ABCA13: variants seen among roughly 807,000 people sequenced by gnomAD.
The protein encoded by ABCA13 is ATP binding cassette subfamily A member 13.
ABCA13 carries 476 observed loss-of-function variants against 478.7 expected under a neutral mutation model. That is an observed-to-expected ratio of 0.99 (90% confidence interval 0.92 to 1.07). ABCA13 has a LOEUF of 1.07. ABCA13 is among the 50% of genes least tolerant of loss of function. ABCA13 has a pLI of 0.00. For synonymous variants in ABCA13, 2,252 were observed against 2,158.9 expected (o/e 1.04, Z -1.20); for missense variants, 6,060 against 5,910.6 (o/e 1.03, Z -0.83).
intron 9 of ABCA13, 107 bp from the exon 10 acceptor site, chr7:48,240,760 G>T: frequency 1.2e-6 from 1 of 868,698 alleles, no homozygotes. Flanking sequence ...AAAAAATAAA[G>T]ATTGGCTGTC....
intron 7 of ABCA13, among the ~76,000 whole-genome samples, chr7:48,230,261 C>T (rs1788851453): frequency 6.6e-6 from 1 of 152,150 alleles, no homozygotes; most frequent in Non-Finnish European, 1.5e-5. Context: ...AGACCTATCA[C>T]TAGCTCTGTG....
At chr7:48,527,446 A>G (rs1832958435) in intron 54 of ABCA13, among the ~76,000 whole-genome samples, 1 of 152,172 alleles carries the variant, frequency 6.6e-6, no homozygotes, top group Non-Finnish European at 1.5e-5. Context: ...TAGCCATCAG[A>G]AAACAGCTGT....
intron 59 of ABCA13, chr7:48,626,516 A>AG: frequency 4.2e-6 from 3 of 718,720 alleles, no homozygotes; most frequent in Non-Finnish European, 5.1e-6. Flanking sequence ...GGTAAAAAAA[A>AG]GGCAAAATAA....
chr7:48,290,962 A>G (rs1798444056), intron 20 of ABCA13, among the ~76,000 whole-genome samples: 2 of 151,592 alleles, frequency 1.3e-5, no homozygotes, highest in African/African-American at 4.8e-5. Context: ...AAAAAAAAAA[A>G]AAAAAAGAGA....
chr7:48,374,654 C>T (rs1813176903), intron 34 of ABCA13, among the ~76,000 whole-genome samples: 1 of 152,132 alleles, frequency 6.6e-6, no homozygotes, highest in African/African-American at 2.4e-5. Context: ...GGTCAACCAC[C>T]CAGCCAATGC....
intron 1 of ABCA13, among the ~76,000 whole-genome samples, chr7:48,172,954 T>C (rs1196868051): frequency 6.6e-6 from 1 of 152,204 alleles, no homozygotes; most frequent in Non-Finnish European, 1.5e-5. Flanking sequence ...AAGTTTGTTT[T>C]AGGGAATTAG....
At chr7:48,408,889 A>G (rs140013341) in intron 39 of ABCA13, among the ~76,000 whole-genome samples, 2 of 151,900 alleles carry the variant, frequency 1.3e-5, no homozygotes, top group African/African-American at 2.4e-5. Flanking sequence ...TGTTCCCTCT[A>G]TGTCTCCATG....
chr7:48,623,534 T>A (rs1178036934), intron 59 of ABCA13, among the ~76,000 whole-genome samples: 1 of 152,194 alleles, frequency 6.6e-6, no homozygotes, highest in Non-Finnish European at 1.5e-5. Context: ...TCATCGTTAT[T>A]TGTAGTAAGA....
chr7:48,196,204 G>C (rs1797909735), intron 2 of ABCA13, among the ~76,000 whole-genome samples: 1 of 152,164 alleles, frequency 6.6e-6, no homozygotes, highest in African/African-American at 2.4e-5. Flanking sequence ...GGTAGCTTAT[G>C]ATGTTCCTTA....
chr7:48,402,575 C>T (rs1817752559), intron 38 of ABCA13, among the ~76,000 whole-genome samples: 1 of 152,212 alleles, frequency 6.6e-6, no homozygotes, highest in African/African-American at 2.4e-5. Flanking sequence ...ATTAAGTGCA[C>T]AGAGTGAACA....
At chr7:48,535,793 G>A (rs1833528480) in intron 55 of ABCA13, among the ~76,000 whole-genome samples, 1 of 152,122 alleles carries the variant, frequency 6.6e-6, no homozygotes, top group Non-Finnish European at 1.5e-5. Context: ...AGTGGGGTAA[G>A]TCGGCAGTCA....
intron 60 of ABCA13, among the ~76,000 whole-genome samples, chr7:48,643,832 G>A (rs1486001108): frequency 1.3e-5 from 2 of 152,152 alleles, no homozygotes; most frequent in Non-Finnish European, 2.9e-5. Flanking sequence ...ATCAAGTATG[G>A]TCACTGAACC....
intron 15 of ABCA13, among the ~76,000 whole-genome samples, chr7:48,268,755 C>T (rs1324532770): frequency 6.6e-6 from 1 of 151,916 alleles, no homozygotes; most frequent in Non-Finnish European, 1.5e-5. Flanking sequence ...TGTTTACTGC[C>T]TTTCATGGAT....
At chr7:48,472,785 A>C (rs1038618918) in intron 45 of ABCA13, among the ~76,000 whole-genome samples, 4 of 152,060 alleles carry the variant, frequency 2.6e-5, no homozygotes, top group African/African-American at 9.7e-5. Context: ...GGCAGTCCCC[A>C]CCCCATCTGT....
chr7:48,281,200 T>A, intron 18 of ABCA13, 143 bp from the exon 19 acceptor site: 1 of 678,814 alleles, frequency 1.5e-6, no homozygotes, highest in Non-Finnish European at 2.5e-6. Context: ...TGTGTTTTCT[T>A]ATGTTCCTAT....
intron 3 of ABCA13, among the ~76,000 whole-genome samples, chr7:48,208,541 C>A (rs752073937): frequency 6.6e-6 from 1 of 151,798 alleles, no homozygotes; most frequent in Non-Finnish European, 1.5e-5. Context: ...TAGGTTTATT[C>A]CTAGGTATGT....
At chr7:48,580,164 A>T in intron 55 of ABCA13, 60 bp from the exon 56 acceptor site, 1 of 1,489,808 alleles carries the variant, frequency 6.7e-7, no homozygotes, top group South Asian at 1.4e-5. Context: ...ACATTTTAAA[A>T]ATGGGTTGGT....
intron 43 of ABCA13, among the ~76,000 whole-genome samples, chr7:48,458,278 GTCC>G (rs1181246268): frequency 2.6e-5 from 4 of 152,138 alleles, no homozygotes; most frequent in Non-Finnish European, 4.4e-5. Context: ...ACATCTTATA[GTCC>G]TCCTGACTCC....
intron 46 of ABCA13, among the ~76,000 whole-genome samples, chr7:48,481,760 A>G (rs555177669): frequency 1.3e-5 from 2 of 152,040 alleles, no homozygotes; most frequent in Non-Finnish European, 2.9e-5. Context: ...CTCCCGCCTC[A>G]GGCTCCCAAA....
Sources: allele counts gnomAD v4.1 joint callset (sites outside exome capture counted in the v4.1 genomes callset), GRCh38; gene constraint gnomAD v4.1.1; transcripts MANE v1.5; gene names NCBI Gene and HGNC (gene_info 2026-07-23, HGNC 2026-07-21).